Variants in NOL4L observed in about 807,000 individuals in gnomAD.
The protein encoded by NOL4L is nucleolar protein 4 like.
A neutral mutation model predicts 64.5 loss-of-function variants in NOL4L; 7 were observed. The ratio of observed to expected loss-of-function variants is 0.11; its 90% CI spans 0.06 to 0.20. The LOEUF (loss-of-function observed/expected upper bound fraction) is 0.20, where lower values mean the gene tolerates loss of function less well. NOL4L is among the 10% of genes least tolerant of loss of function. NOL4L has a pLI of 1.00. For synonymous variants in NOL4L, 413 were observed against 401.0 expected (o/e 1.03, Z -0.36); for missense variants, 680 against 967.1 (o/e 0.70, Z 3.94).
In NOL4L at chr20:32,471,266, A is replaced by T. The variant is rs539471845; in HGVS notation, c.841+3335T>A. ...GAGGCTCAGAGGCATGCTCCCGGGG[A>T]GTGAGAGTGGACACTCACCCCGGTA... On this transcript the variant is annotated intron_variant, in intron 5 of 10. Coordinates refer to ENST00000621426, the MANE Select transcript of NOL4L (RefSeq NM_001256798.2). 3.3e-5 allele frequency among the ~76,000 whole-genome samples: 5 copies of T among 150,676 alleles called. No homozygotes were observed. In the South Asian group the frequency reaches 1.0e-3, roughly 32 times the overall value.
chr20:32,570,523 C>T (rs1979690664), intron 1 of NOL4L, among the ~76,000 whole-genome samples: 1 of 152,178 alleles, frequency 6.6e-6, no homozygotes, highest in Admixed American at 6.5e-5. Context: ...CCCTCCTGTC[C>T]CCACAGTCAC....
chr20:32,494,775 C>T (rs560206677), intron 4 of NOL4L, among the ~76,000 whole-genome samples: 2 of 152,336 alleles, frequency 1.3e-5, no homozygotes, highest in Non-Finnish European at 2.9e-5. Flanking sequence ...CAACTTGCAA[C>T]CATGAGGAAA....
intron 2 of NOL4L, among the ~76,000 whole-genome samples, chr20:32,521,931 C>T (rs1204191312): frequency 2.0e-5 from 3 of 152,250 alleles, no homozygotes; most frequent in Non-Finnish European, 4.4e-5. Context: ...CGCCGCAGCC[C>T]GCAGCCGGGC....
intron 4 of NOL4L, among the ~76,000 whole-genome samples, chr20:32,487,924 TGTTG>T (rs960537443): frequency 7.7e-6 from 1 of 129,370 alleles, no homozygotes; most frequent in African/African-American, 3.4e-5. Context: ...AGTTTTTGTT[TGTTG>T]GTTTTATTTT....
intron 4 of NOL4L, chr20:32,509,707 G>C: frequency 8.2e-7 from 1 of 1,219,938 alleles, no homozygotes; most frequent in South Asian, 1.4e-5. Context: ...GATACAGTTA[G>C]GATTTTTAAC....
chr20:32,469,660 C>T (rs185717428), intron 5 of NOL4L, among the ~76,000 whole-genome samples: 13 of 152,362 alleles, frequency 8.5e-5, no homozygotes, highest in Admixed American at 7.8e-4. Flanking sequence ...CGTGAGCCAC[C>T]GCACCTGGCC....
intron 4 of NOL4L, among the ~76,000 whole-genome samples, chr20:32,508,845 G>A (rs1183670491): frequency 2.6e-5 from 4 of 152,146 alleles, no homozygotes; most frequent in Non-Finnish European, 5.9e-5. Context: ...ATACTCATCA[G>A]GTGCTTATGC....
Position 32,447,039 on chromosome 20 carries a change from C to T in NOL4L, c.*557G>A, listed in dbSNP as rs753869339. 1.8e-4 allele frequency: 64 copies of T among 347,068 alleles called. No individual in the cohort carries two copies. The highest frequency in any genetic ancestry group is 3.0e-4 in the Non-Finnish European group (54 of 178,506). The allele number at this position is 347,068 out of a possible 1,614,324, so 21.5% of individuals were successfully genotyped here. ...AGCCAGCCTGGCACCTGTCCTGCCC[C>T]TACTGGCCCCAGCCCACATCAGTGT... On this transcript the variant is annotated 3_prime_UTR_variant, in exon 11 of 11. Coordinates refer to ENST00000621426, the MANE Select transcript of NOL4L (RefSeq NM_001256798.2).
At chr20:32,571,232 G>C (rs1169990632) in intron 1 of NOL4L, among the ~76,000 whole-genome samples, 1 of 152,170 alleles carries the variant, frequency 6.6e-6, no homozygotes, top group Non-Finnish European at 1.5e-5. Context: ...CTGTCGCCCA[G>C]GCTGGAGTGC....
intron 4 of NOL4L, among the ~76,000 whole-genome samples, chr20:32,492,498 G>A (rs894272949): frequency 2.6e-5 from 4 of 152,196 alleles, no homozygotes; most frequent in African/African-American, 9.7e-5. Flanking sequence ...GGTCACAGGA[G>A]GTGGGGTCAG....
Position 32,456,235 on chromosome 20 carries a change from G to A in NOL4L, c.1002C>T (p.Asn334=). The change falls in exon 6 of 11, where the codon AAC becomes AAT. Residue 334 remains asparagine, a synonymous_variant. Coordinates refer to ENST00000621426, the MANE Select transcript of NOL4L (RefSeq NM_001256798.2). ...TGGCCGGCGGGAGCTTGTCACACAG[G>A]TTGATGGGCTGATCCTCGGCGGCCG... ...FTTAAEDQPI[N]LCDKLPPATA... is the part of the protein sequence containing the mutation. The A allele has an allele frequency of 3.1e-6, 5 of 1,608,512 alleles. No individual in the cohort carries two copies. The highest frequency in any genetic ancestry group is 4.2e-6 in the Non-Finnish European group (5 of 1,177,466).
chr20:32,566,386 G>A (rs367712319), intron 1 of NOL4L, among the ~76,000 whole-genome samples: 2 of 151,498 alleles, frequency 1.3e-5, no homozygotes, highest in African/African-American at 4.8e-5. Context: ...GATATGGGCA[G>A]CAAGGCACCT....
intron 5 of NOL4L, among the ~76,000 whole-genome samples, chr20:32,461,139 G>T (rs1034707539): frequency 1.3e-5 from 2 of 152,232 alleles, no homozygotes; most frequent in African/African-American, 4.8e-5. Context: ...ACAAGCAGTG[G>T]ATTTGATGCC....
At chr20:32,513,909 A>G (rs951746244) in intron 3 of NOL4L, among the ~76,000 whole-genome samples, 10 of 152,206 alleles carry the variant, frequency 6.6e-5, no homozygotes, top group Non-Finnish European at 1.5e-4. Flanking sequence ...TAAATGTTTT[A>G]CCATAATTTA....
In NOL4L at chr20:32,447,383, G is replaced by A; in HGVS notation, c.*213C>T. On this transcript the variant is annotated 3_prime_UTR_variant, in exon 11 of 11. Coordinates refer to ENST00000621426, the MANE Select transcript of NOL4L (RefSeq NM_001256798.2). The stretch of plus-strand genomic sequence containing the variant: ...GTTGGCCTCTTCCAAGCAGGTCAGA[G>A]CACCCGTGTGGTGAGATTCCAAAAA... The A allele has an allele frequency of 1.6e-6, 1 of 608,996 alleles. No homozygotes were observed. The highest frequency in any genetic ancestry group is 2.6e-6 in the Non-Finnish European group (1 of 389,830). The allele number at this position is 608,996 out of a possible 1,614,324, so 37.7% of individuals were successfully genotyped here. A position where few individuals can be genotyped will look rare whatever the true frequency, so the allele number is the denominator to read the frequency against.
At chr20:32,571,738 A>T (rs1219965631) in intron 1 of NOL4L, among the ~76,000 whole-genome samples, 1 of 152,140 alleles carries the variant, frequency 6.6e-6, no homozygotes, top group Non-Finnish European at 1.5e-5. Context: ...CACTGGCCAC[A>T]CGTCTGCTCT....
intron 4 of NOL4L, among the ~76,000 whole-genome samples, chr20:32,508,032 A>G (rs6119254): frequency 0.02 from 3,116 of 152,318 alleles, 34 homozygotes; most frequent in African/African-American, 0.032. Flanking sequence ...ATAAAATAAA[A>G]TAAAACAAAA....
At chr20:32,525,283 G>C (rs1214799878) in intron 2 of NOL4L, among the ~76,000 whole-genome samples, 2 of 152,220 alleles carry the variant, frequency 1.3e-5, no homozygotes, top group African/African-American at 4.8e-5. Flanking sequence ...GAAGGGGCCA[G>C]GGAAACCACA....
chr20:32,465,898 C>A (rs1029779739), intron 5 of NOL4L, among the ~76,000 whole-genome samples: 1 of 152,058 alleles, frequency 6.6e-6, no homozygotes, highest in African/African-American at 2.4e-5. Context: ...TGTATGTGTC[C>A]TGGGCTGAGG....
Sources: allele counts gnomAD v4.1 joint callset (sites outside exome capture counted in the v4.1 genomes callset), GRCh38; gene constraint gnomAD v4.1.1; transcripts MANE v1.5; gene names NCBI Gene and HGNC (gene_info 2026-07-23, HGNC 2026-07-21).